Variants in SLC25A40 observed in about 807,000 individuals in gnomAD.
SLC25A40 encodes mitochondrial glutathione transporter SLC25A40.
A neutral mutation model predicts 46.5 loss-of-function variants in SLC25A40; 41 were observed. The ratio of observed to expected loss-of-function variants is 0.88; its 90% confidence interval spans 0.69 to 1.14. The LOEUF is 1.14. SLC25A40 is among the 50% of genes most tolerant of loss of function. The probability of loss-of-function intolerance (pLI) is 0.00; values close to 1 mark genes in which losing one functional copy is unlikely to be tolerated. For missense variants in SLC25A40, 386 were observed against 393.6 expected, an observed-to-expected ratio of 0.98 and a Z score of 0.16; for synonymous variants, 126 against 127.5, an observed-to-expected ratio of 0.99 and a Z score of 0.08.
At chr7:87,859,527 G>A (rs892367716) in intron 2 of SLC25A40, among the ~76,000 whole-genome samples, 1 of 152,086 alleles carries the variant, frequency 6.6e-6, no homozygotes, top group Non-Finnish European at 1.5e-5. Flanking sequence ...ATATGTATAT[G>A]TCTATACACA....
chr7:87,855,518 A>G (rs1838598745), intron 4 of SLC25A40, among the ~76,000 whole-genome samples: 1 of 152,236 alleles, frequency 6.6e-6, no homozygotes, highest in Admixed American at 6.5e-5. Context: ...TTCTCTGCCC[A>G]ACAGTATGTA....
intron 6 of SLC25A40, among the ~76,000 whole-genome samples, chr7:87,848,669 T>C (rs1251778076): frequency 6.6e-6 from 1 of 152,236 alleles, no homozygotes; most frequent in Non-Finnish European, 1.5e-5. Flanking sequence ...GGAATTCTAA[T>C]GACATACTAT....
Position 87,860,619 on chromosome 7 carries a change from T to C in SLC25A40, c.-72A>G, listed in dbSNP as rs1168505683. 6.6e-6 allele frequency: 1 copy of C among 152,210 alleles called. No individual in the cohort carries two copies. The highest frequency in any genetic ancestry group is 1.5e-5 in the Non-Finnish European group (1 of 68,028). 9.4% of individuals were successfully genotyped at this position (152,210 alleles called of 1,614,324 possible). On this transcript the variant is annotated 5_prime_UTR_variant, in exon 2 of 12. Coordinates refer to ENST00000341119, the MANE Select transcript of SLC25A40 (RefSeq NM_018843.4). ...CTCTATGCTCCAATATTTTATTGTTTGTAACATCAGTAGCCAAAAACCTGT... is the reference window on the plus strand; with the variant it reads ...CTCTATGCTCCAATATTTTATTGTTCGTAACATCAGTAGCCAAAAACCTGT...
intron 10 of SLC25A40, among the ~76,000 whole-genome samples, chr7:87,841,151 GTGTGTGTGTATA>G (rs912590059): frequency 6.1e-5 from 9 of 148,420 alleles, no homozygotes; most frequent in African/African-American, 2.2e-4. Flanking sequence ...GTGTGTGTGT[GTGTGTGTGTATA>G]TATATATATA....
intron 1 of SLC25A40, among the ~76,000 whole-genome samples, chr7:87,866,246 G>C (rs1376404551): frequency 1.3e-5 from 2 of 152,118 alleles, no homozygotes; most frequent in Non-Finnish European, 2.9e-5. Context: ...AATCCTCCTA[G>C]CTTTTGTCTA....
intron 10 of SLC25A40, 128 bp from the exon 11 acceptor site, chr7:87,836,938 C>T (rs569844607): frequency 2.0e-4 from 95 of 464,992 alleles, no homozygotes; most frequent in African/African-American, 1.9e-3. Context: ...GTTTGTTTAC[C>T]TAAAAAGCTA....
intron 7 of SLC25A40, 114 bp downstream of exon 7, chr7:87,847,739 T>C (rs1035523899): frequency 4.3e-5 from 45 of 1,039,664 alleles, no homozygotes; most frequent in Non-Finnish European, 5.8e-5. Flanking sequence ...TAAACTATAA[T>C]GCAAAATATA....
intron 1 of SLC25A40, among the ~76,000 whole-genome samples, chr7:87,861,294 C>T (rs183778384): frequency 7.2e-5 from 11 of 152,214 alleles, no homozygotes; most frequent in Admixed American, 6.5e-4. Flanking sequence ...TTCAAACAAA[C>T]AAATTTTTCC....
At chr7:87,836,932 G>A in intron 10 of SLC25A40, 122 bp from the exon 11 acceptor site, 1 of 497,384 alleles carries the variant, frequency 2.0e-6, no homozygotes, top group South Asian at 5.1e-5. Context: ...GAAGAGGTTT[G>A]TTTACCTAAA....
chr7:87,841,157 G>GTA (rs1237222414), intron 10 of SLC25A40, among the ~76,000 whole-genome samples: 2 of 147,450 alleles, frequency 1.4e-5, no homozygotes, highest in Admixed American at 6.8e-5. Flanking sequence ...GTGTGTGTGT[G>GTA]TGTATATATA....
At chr7:87,837,565 T>G (rs1838274292) in intron 10 of SLC25A40, among the ~76,000 whole-genome samples, 1 of 151,294 alleles carries the variant, frequency 6.6e-6, no homozygotes, top group Admixed American at 6.6e-5. Flanking sequence ...AAAAACCTAA[T>G]TTTTTAAAAA....
intron 10 of SLC25A40, among the ~76,000 whole-genome samples, chr7:87,837,506 T>C (rs1452192871): frequency 2.0e-5 from 3 of 151,190 alleles, no homozygotes; most frequent in Non-Finnish European, 3.0e-5. Flanking sequence ...TAGCTAATAA[T>C]AACATCTCGC....
intron 8 of SLC25A40, among the ~76,000 whole-genome samples, chr7:87,844,254 C>T (rs1838379525): frequency 6.6e-6 from 1 of 151,954 alleles, no homozygotes; most frequent in South Asian, 2.1e-4. Flanking sequence ...TTGGGTTACC[C>T]CAGAAATGCA....
At chr7:87,868,367 C>T (rs1195875538) in intron 1 of SLC25A40, among the ~76,000 whole-genome samples, 2 of 152,138 alleles carry the variant, frequency 1.3e-5, no homozygotes, top group Non-Finnish European at 2.9e-5. Flanking sequence ...AGGAGTTCCC[C>T]CTACCTATAT....
In SLC25A40 at chr7:87,853,716, C is replaced by T. The variant is rs554077495; in HGVS notation, c.264+488G>A. ...ATATGTCATGATTCCATTTATACAA[C>T]ACTCTTGAAATGACAAAATTATATA... On this transcript the variant is annotated intron_variant, in intron 5 of 11. Coordinates refer to ENST00000341119, the MANE Select transcript of SLC25A40 (RefSeq NM_018843.4). Among the ~76,000 whole-genome samples the T allele has an allele frequency of 2.6e-5, 4 of 152,234 alleles. No homozygotes were observed. The South Asian group carries it at 6.2e-4, about 24-fold the overall frequency.
chr7:87,843,259 T>TA (rs1838360521), intron 9 of SLC25A40, among the ~76,000 whole-genome samples: 1 of 152,122 alleles, frequency 6.6e-6, no homozygotes, highest in Non-Finnish European at 1.5e-5. Flanking sequence ...TGGAAAAAGA[T>TA]AAACTCCCTA....
intron 5 of SLC25A40, among the ~76,000 whole-genome samples, chr7:87,852,196 A>AT (rs1307295749): frequency 6.6e-6 from 1 of 152,186 alleles, no homozygotes; most frequent in East Asian, 1.9e-4. Flanking sequence ...CCCTGGCAAT[A>AT]TTTTTTTGTA....
At chr7:87,842,743 T>C (rs1838354575) in intron 9 of SLC25A40, among the ~76,000 whole-genome samples, 1 of 152,088 alleles carries the variant, frequency 6.6e-6, no homozygotes, top group Non-Finnish European at 1.5e-5. Flanking sequence ...GACACAAACC[T>C]TTATTTGAAA....
chr7:87,855,161 CAAA>C (rs544710430), intron 4 of SLC25A40, among the ~76,000 whole-genome samples: 10 of 54,464 alleles, frequency 1.8e-4, no homozygotes, highest in Non-Finnish European at 2.3e-4. Context: ...GACCCAGTCT[CAAA>C]AAAAAAAAAA....
Sources: allele counts gnomAD v4.1 joint callset (sites outside exome capture counted in the v4.1 genomes callset), GRCh38; gene constraint gnomAD v4.1.1; transcripts MANE v1.5; gene names NCBI Gene and HGNC (gene_info 2026-07-23, HGNC 2026-07-21).